Variants in ENTREP1 observed in about 807,000 individuals in gnomAD.
ENTREP1 encodes Friedreich ataxia region gene X123.
At chr9:69,369,472 C>T in the ENTREP1 span, among the ~76,000 whole-genome samples, 2 of 152,186 alleles carry the variant, frequency 1.3e-5, no homozygotes, top group African/African-American at 4.8e-5. Flanking sequence ...GTTCCTATTT[C>T]TCTACATCCT....
the ENTREP1 span, chr9:69,383,940 G>A: frequency 1.2e-5 from 20 of 1,611,858 alleles, no homozygotes; most frequent in South Asian, 7.7e-5. Flanking sequence ...TTTTTGCTGT[G>A]ATGCAGGGAT....
chr9:69,377,234 C>G, the ENTREP1 span: 1 of 671,630 alleles, frequency 1.5e-6, no homozygotes, highest in Non-Finnish European at 2.7e-6. Flanking sequence ...CAAACACCAT[C>G]TAAGTCCTTT....
the ENTREP1 span, among the ~76,000 whole-genome samples, chr9:69,331,964 A>G: frequency 1.3e-5 from 2 of 152,332 alleles, no homozygotes; most frequent in South Asian, 4.1e-4. Flanking sequence ...AGGTGGAGGC[A>G]TTGAATACTC....
At chr9:69,351,647 C>T in the ENTREP1 span, among the ~76,000 whole-genome samples, 260 of 152,242 alleles carry the variant, frequency 1.7e-3, 2 homozygotes, top group Middle Eastern at 6.8e-3. Context: ...AAACTCCTGA[C>T]CTCAAGTCAT....
chr9:69,331,485 A>G, the ENTREP1 span, among the ~76,000 whole-genome samples: 1 of 152,204 alleles, frequency 6.6e-6, no homozygotes, highest in Non-Finnish European at 1.5e-5. Flanking sequence ...GTAAGCTACA[A>G]GAAATAGGTT....
At chr9:69,348,364 C>T in the ENTREP1 span, among the ~76,000 whole-genome samples, 2 of 152,166 alleles carry the variant, frequency 1.3e-5, no homozygotes, top group Non-Finnish European at 2.9e-5. Flanking sequence ...AAGTGATCTG[C>T]CCAACTTGGC....
chr9:69,377,847 A>C, the ENTREP1 span: 1 of 1,314,728 alleles, frequency 7.6e-7, no homozygotes, highest in Non-Finnish European at 1.0e-6. Context: ...TTTCTTTGAA[A>C]AAGAAAAAGA....
the ENTREP1 span, among the ~76,000 whole-genome samples, chr9:69,370,648 G>A: frequency 1.1e-3 from 160 of 152,292 alleles, no homozygotes; most frequent in African/African-American, 3.2e-3. Context: ...CTCGGGAAAT[G>A]CTTTCAAGCT....
At chr9:69,388,280 G>T in the ENTREP1 span, 4 of 1,614,188 alleles carry the variant, frequency 2.5e-6, no homozygotes, top group Admixed American at 3.3e-5. Context: ...GTCTTTGATA[G>T]ATTACAAATC....
At chr9:69,369,868 AG>A in the ENTREP1 span, among the ~76,000 whole-genome samples, 2 of 152,110 alleles carry the variant, frequency 1.3e-5, no homozygotes. Flanking sequence ...TGTCTATTTA[AG>A]TCTTTTGCCC....
chr9:69,388,277 A>T, the ENTREP1 span: 3 of 1,614,042 alleles, frequency 1.9e-6, no homozygotes, highest in African/African-American at 1.3e-5. Flanking sequence ...GCGGTCTTTG[A>T]TAGATTACAA....
chr9:69,359,305 T>C, the ENTREP1 span, among the ~76,000 whole-genome samples: 2 of 152,276 alleles, frequency 1.3e-5, no homozygotes, highest in South Asian at 2.1e-4. Context: ...CATCCACCAA[T>C]GAGCATACTA....
the ENTREP1 span, among the ~76,000 whole-genome samples, chr9:69,345,073 T>C: frequency 6.6e-6 from 1 of 152,180 alleles, no homozygotes; most frequent in Non-Finnish European, 1.5e-5. Flanking sequence ...ATTTGGACAC[T>C]TATGGTAACT....
chr9:69,383,349 C>T, the ENTREP1 span: 1 of 1,168,342 alleles, frequency 8.6e-7, no homozygotes, highest in Non-Finnish European at 1.1e-6. Flanking sequence ...CTGGCAGCCA[C>T]TAATCTGCTC....
the ENTREP1 span, among the ~76,000 whole-genome samples, chr9:69,357,095 C>CAAAAA: frequency 4.5e-5 from 4 of 88,956 alleles, no homozygotes; most frequent in Non-Finnish European, 4.7e-5. Context: ...ACCATCTCTA[C>CAAAAA]AAAAAAAAAA....
the ENTREP1 span, chr9:69,387,113 C>A: frequency 6.6e-6 from 1 of 152,262 alleles, no homozygotes; most frequent in African/African-American, 2.4e-5. Context: ...GCCAGGTTGC[C>A]TTCAAGTGGA....
At chr9:69,369,069 G>C in the ENTREP1 span, among the ~76,000 whole-genome samples, 1 of 152,144 alleles carries the variant, frequency 6.6e-6, no homozygotes, top group African/African-American at 2.4e-5. Context: ...TTATGAGTGA[G>C]AACATGCGGT....
the ENTREP1 span, chr9:69,336,162 G>C: frequency 5.2e-6 from 5 of 959,152 alleles, no homozygotes; most frequent in Admixed American, 7.3e-5. Context: ...CTGAGGATTT[G>C]TTTATTGGAA....
the ENTREP1 span, chr9:69,391,828 C>G: frequency 7.1e-6 from 11 of 1,559,136 alleles, no homozygotes; most frequent in Non-Finnish European, 9.6e-6. Flanking sequence ...GAAGGCCACT[C>G]CAAGGGGAAG....
Sources: allele counts gnomAD v4.1 joint callset (sites outside exome capture counted in the v4.1 genomes callset), GRCh38; gene constraint gnomAD v4.1.1; transcripts MANE v1.5; gene names NCBI Gene and HGNC (gene_info 2026-07-23, HGNC 2026-07-21).